ZNF721: variants seen among roughly 807,000 people sequenced by gnomAD.
ZNF721 encodes the protein zinc finger protein 721.
In ZNF721, 2 loss-of-function variants were observed where a neutral mutation model predicts 2.4. That is an observed-to-expected ratio of 0.82 (90% CI 0.34 to 2.58). The LOEUF is 2.58. Among genes scored for constraint, ZNF721 ranks in the 30% most tolerant of loss-of-function variants. ZNF721 has a pLI of 0.11. For missense variants in ZNF721, 1,187 were observed against 1,085.5 expected (o/e 1.09, Z -1.31); for synonymous variants, 398 against 381.8 (o/e 1.04, Z -0.50).
At chr4:467,321 AAG>A (rs1428442111) in intron 2 of ZNF721, among the ~76,000 whole-genome samples, 1 of 152,238 alleles carries the variant, frequency 6.6e-6, no homozygotes, top group Admixed American at 6.5e-5. Context: ...ATCATACAAT[AAG>A]GATAAATCTT....
intron 1 of ZNF721, among the ~76,000 whole-genome samples, chr4:479,117 GGA>G (rs1372371124): frequency 6.6e-6 from 1 of 152,076 alleles, no homozygotes; most frequent in Non-Finnish European, 1.5e-5. Flanking sequence ...ACCTTTTGTT[GGA>G]GAGTCAGCCC....
At chr4:445,019 C>T (rs1714428007) in intron 2 of ZNF721, among the ~76,000 whole-genome samples, 1 of 131,632 alleles carries the variant, frequency 7.6e-6, no homozygotes, top group South Asian at 2.5e-4. Context: ...GAGTCTCACT[C>T]TGTCGCCCAG....
In ZNF721 at chr4:465,758, A is replaced by G. The variant is rs1252822649; in HGVS notation, c.34+6817T>C. On this transcript the variant is annotated intron_variant, in intron 2 of 2. Coordinates refer to ENST00000511833, the MANE Select transcript of ZNF721 (RefSeq NM_133474.4). The stretch of plus-strand genomic sequence containing the variant: ...CAAGCTACGCTTTTATAATTATGAG[A>G]TATTTTATGTCTCTTGGAAATTACA... Among the ~76,000 whole-genome samples, 7 of 150,970 alleles carry G rather than the reference A, an allele frequency of 4.6e-5. No individual in the cohort carries two copies. In the East Asian group the frequency reaches 1.4e-3, roughly 29 times the overall value.
At chr4:469,850 T>C (rs1715375953) in intron 2 of ZNF721, among the ~76,000 whole-genome samples, 1 of 152,180 alleles carries the variant, frequency 6.6e-6, no homozygotes, top group Admixed American at 6.5e-5. Flanking sequence ...TACATGGTGC[T>C]AGAAAAACTG....
chr4:496,366 G>A (rs1716152865), intron 1 of ZNF721, among the ~76,000 whole-genome samples: 1 of 146,882 alleles, frequency 6.8e-6, no homozygotes, highest in Non-Finnish European at 1.5e-5. Flanking sequence ...GTGCGGGAGG[G>A]GTCACCTCCT....
chr4:479,741 C>T (rs1715727762), intron 1 of ZNF721, among the ~76,000 whole-genome samples: 1 of 152,228 alleles, frequency 6.6e-6, no homozygotes, highest in Admixed American at 6.5e-5. Flanking sequence ...ACCAATGCTC[C>T]ATGTGGCCTT....
At chr4:449,579 A>G (rs1553864600) in intron 2 of ZNF721, among the ~76,000 whole-genome samples, 1 of 152,178 alleles carries the variant, frequency 6.6e-6, no homozygotes, top group Non-Finnish European at 1.5e-5. Context: ...AAATATGCAA[A>G]TGGGATTACA....
chr4:496,359 C>T (rs1553872203), intron 1 of ZNF721, among the ~76,000 whole-genome samples: 1 of 149,192 alleles, frequency 6.7e-6, no homozygotes, highest in Non-Finnish European at 1.5e-5. Flanking sequence ...GCTCAAGGTG[C>T]GGGAGGGGTC....
In ZNF721 at chr4:441,591, T is replaced by C; in HGVS notation, c.*104A>G. 2.0e-6 allele frequency: 2 copies of C among 979,474 alleles called. No homozygotes were observed. The highest frequency in any genetic ancestry group is 3.0e-6 in the Non-Finnish European group (2 of 675,630). The allele number at this position is 979,474 out of a possible 1,614,324, so 60.7% of individuals were successfully genotyped here. ...TATGATTAGAAAGGATTGAGGAGCA[T>C]TTAAAGACCGCGACATTCGTCACCT... is the stretch of plus-strand genomic sequence containing the variant. On this transcript the variant is annotated 3_prime_UTR_variant, in exon 3 of 3. Coordinates refer to ENST00000511833, the MANE Select transcript of ZNF721 (RefSeq NM_133474.4).
chr4:443,342 G>A lies in ZNF721; in HGVS notation c.1125C>T (p.Ala375=). The change falls in exon 3 of 3, where the codon GCC becomes GCT. Residue 375 remains alanine, a synonymous_variant. Transcript: ENST00000511833. Reference sequence around the variant, plus strand: ...TATGAATTTTCTTGTGTTGATTCAGGGCTGTGTACCGTCCAAAGGCTTTGC... The same window carrying A: ...TATGAATTTTCTTGTGTTGATTCAGAGCTGTGTACCGTCCAAAGGCTTTGC... ...DCGKAFGRYT[A]LNQHKKIHTG... The A allele has an allele frequency of 6.2e-7, 1 of 1,613,978 alleles. No individual in the cohort carries two copies. Among genetic ancestry groups the A allele is most frequent in the South Asian group, 1.1e-5 (1 of 91,062 alleles).
At chr4:497,555 T>C (rs550366020) in intron 1 of ZNF721, among the ~76,000 whole-genome samples, 387 of 152,196 alleles carry the variant, frequency 2.5e-3, no homozygotes, top group African/African-American at 9.0e-3. Context: ...AGCTTGGTTG[T>C]ATTCATTTTA....
At chr4:457,899 A>G (rs1171003386) in intron 2 of ZNF721, among the ~76,000 whole-genome samples, 1 of 152,000 alleles carries the variant, frequency 6.6e-6, no homozygotes, top group Non-Finnish European at 1.5e-5. Flanking sequence ...TGTCACCTAG[A>G]GTCTGAAAGA....
Position 441,920 on chromosome 4 carries a change from T to C in ZNF721, c.2547A>G (p.Ser849=), listed in dbSNP as rs374984473. 13 of 1,613,552 alleles carry C rather than the reference T, an allele frequency of 8.1e-6. No individual in the cohort carries two copies. In the South Asian group the frequency reaches 1.3e-4, roughly 16 times the overall value. Residue 849 remains serine (S), a synonymous_variant, in exon 3 of 3, where the codon TCA becomes TCG. Transcript: ENST00000511833. ...CEECGKAFRQ[S]AILYVHRRIH... is the part of the protein sequence containing the mutation. ...TTCTCCTATGTACATAAAGGATTGC[T>C]GACTGTCTAAAGGCTTTGCCACATT...
intron 1 of ZNF721, chr4:473,863 C>T (rs1715542909): frequency 1.5e-6 from 2 of 1,309,542 alleles, no homozygotes; most frequent in Middle Eastern, 2.9e-4. Flanking sequence ...GACTGAGGAC[C>T]GAGGGCTAAG....
At chr4:489,150 G>A (rs1334867268) in intron 1 of ZNF721, among the ~76,000 whole-genome samples, 5 of 152,058 alleles carry the variant, frequency 3.3e-5, no homozygotes, top group Admixed American at 6.6e-5. Context: ...CTTTCCACCC[G>A]CCGTGGGTTT....
chr4:462,106 C>T (rs1484587976), intron 2 of ZNF721, among the ~76,000 whole-genome samples: 2 of 151,990 alleles, frequency 1.3e-5, no homozygotes, highest in Non-Finnish European at 2.9e-5. Context: ...TCCTATATAC[C>T]AATAATAGAC....
At chr4:472,150 C>A (rs1056428662) in intron 2 of ZNF721, among the ~76,000 whole-genome samples, 1 of 152,210 alleles carries the variant, frequency 6.6e-6, no homozygotes, top group Non-Finnish European at 1.5e-5. Context: ...GCAACCTCTG[C>A]CTCCCAGGTT....
chr4:490,953 CAAAA>C (rs782176446), intron 1 of ZNF721, among the ~76,000 whole-genome samples: 1 of 119,468 alleles, frequency 8.4e-6, no homozygotes, highest in Admixed American at 8.8e-5. Context: ...GACTACATCT[CAAAA>C]AAAAAAAAAA....
intron 2 of ZNF721, among the ~76,000 whole-genome samples, chr4:445,876 C>T (rs1174291601): frequency 6.6e-6 from 1 of 152,082 alleles, no homozygotes; most frequent in Non-Finnish European, 1.5e-5. Flanking sequence ...AGTGATGTGT[C>T]ATTTATAAGT....
Sources: gnomAD v4.1 joint callset for allele counts (sites outside exome capture counted in the v4.1 genomes callset) on GRCh38, gnomAD v4.1.1 for gene constraint, MANE v1.5 for transcripts, NCBI Gene and HGNC (gene_info 2026-07-23, HGNC 2026-07-21) for gene names.